Variants in PCDHA2 observed in about 807,000 individuals in gnomAD.
PCDHA2 encodes the protein protocadherin alpha-2.
Under a neutral mutation model 66.0 loss-of-function variants are expected in PCDHA2, and 58 were observed. The observed-to-expected ratio is 0.88, with a 90% confidence interval of 0.71 to 1.09. PCDHA2 has a LOEUF of 1.09. Ranked by LOEUF, PCDHA2 falls within the 50% of genes least tolerant of loss-of-function variation. PCDHA2 has a pLI of 0.00. For synonymous variants in PCDHA2, 634 were observed against 554.0 expected, an observed-to-expected ratio of 1.14 and a Z score of -2.03; for missense variants, 1,267 against 1,242.3, an observed-to-expected ratio of 1.02 and a Z score of -0.30.
Position 140,923,530 on chromosome 5 carries a change from A to G in PCDHA2, c.2389-55419A>G, listed in dbSNP as rs115719485. On this transcript the variant is annotated intron_variant, in intron 1 of 3. Coordinates refer to ENST00000526136, the MANE Select transcript of PCDHA2 (RefSeq NM_018905.3). ...GATGATGAAGTGAGATTCTGTCCCAAAAAAAGGACAAAATGAAATATCAGC... is the reference window on the plus strand; with the variant it reads ...GATGATGAAGTGAGATTCTGTCCCAGAAAAAGGACAAAATGAAATATCAGC... Among the ~76,000 whole-genome samples, 836 of 152,264 alleles carry G rather than the reference A, an allele frequency of 5.5e-3. 5 individuals carry two copies. The highest frequency in any genetic ancestry group is 0.019 in the African/African-American group (794 of 41,534).
chr5:140,801,644 C>T, intron 1 of PCDHA2: 1 of 1,614,188 alleles, frequency 6.2e-7, no homozygotes, highest in Non-Finnish European at 8.5e-7. Context: ...GACAGCCTGG[C>T]TCTCGGTTTT....
intron 1 of PCDHA2, chr5:140,807,096 GA>G: frequency 7.2e-7 from 1 of 1,390,120 alleles, no homozygotes; most frequent in Non-Finnish European, 9.9e-7. Context: ...CTGAAATATG[GA>G]GGATGCAGCT....
chr5:140,980,036 G>A (rs952735379), intron 2 of PCDHA2, among the ~76,000 whole-genome samples: 9 of 152,294 alleles, frequency 5.9e-5, no homozygotes, highest in Non-Finnish European at 1.0e-4. Flanking sequence ...ATTACATTGG[G>A]TGCTATTTCT....
At position 140,807,071 on chromosome 5, in the gene PCDHA2, T is replaced by C. The variant is rs568320895; in HGVS notation, c.2388+9719T>C. The C allele has an allele frequency of 9.3e-6, 11 of 1,185,968 alleles. No homozygotes were observed. The African/African-American group carries it at 1.7e-4, about 18-fold the overall frequency. The allele number at this position is 1,185,968 out of a possible 1,614,324, so 73.5% of individuals were successfully genotyped here. Reference sequence around the variant, plus strand: ...TCTATTCTTACTGGAAGGAACCATATACACTCTTTGGAGTCTGAAATATGG... The same window carrying C: ...TCTATTCTTACTGGAAGGAACCATACACACTCTTTGGAGTCTGAAATATGG... On this transcript the variant is annotated intron_variant, in intron 1 of 3. Coordinates refer to ENST00000526136, the MANE Select transcript of PCDHA2 (RefSeq NM_018905.3).
chr5:140,955,359 C>A (rs1390938554), intron 1 of PCDHA2, among the ~76,000 whole-genome samples: 1 of 151,992 alleles, frequency 6.6e-6, no homozygotes, highest in African/African-American at 2.4e-5. Context: ...TGAGAGGGAC[C>A]CAGTGGGAGG....
At chr5:140,829,650 T>C (rs2150172095) in intron 1 of PCDHA2, 3 of 1,612,396 alleles carry the variant, frequency 1.9e-6, no homozygotes, top group Non-Finnish European at 1.7e-6. Context: ...GTGTACGCGC[T>C]GCAGCCGCTG....
chr5:140,927,042 G>T (rs548394870), intron 1 of PCDHA2: 7 of 1,612,270 alleles, frequency 4.3e-6, no homozygotes, highest in Non-Finnish European at 4.2e-6. Context: ...CGGCCGCTAT[G>T]TCCTCGCGGA....
chr5:140,835,540 C>T (rs2150237787), intron 1 of PCDHA2: 1 of 1,613,980 alleles, frequency 6.2e-7, no homozygotes. Context: ...GGACAGGTTA[C>T]CTGCTCCCTG....
intron 1 of PCDHA2, chr5:140,853,828 C>T: frequency 2.0e-6 from 2 of 986,484 alleles, no homozygotes; most frequent in South Asian, 9.5e-5. Flanking sequence ...TCTCATACAA[C>T]CGAAATTTTA....
At chr5:140,859,799 T>C (rs2046021191) in intron 1 of PCDHA2, 1 of 152,502 alleles carries the variant, frequency 6.6e-6, no homozygotes. Flanking sequence ...AAATTATAGA[T>C]GCTAAGTTAA....
Position 141,010,435 on chromosome 5 carries a change from A to C in PCDHA2, c.*498A>C. 1 of 1,039,068 alleles carries C rather than the reference A, an allele frequency of 9.6e-7. No individual in the cohort carries two copies. The highest frequency in any genetic ancestry group is 1.4e-6 in the Non-Finnish European group (1 of 739,892). The allele number at this position is 1,039,068 out of a possible 1,614,324, so 64.4% of individuals were successfully genotyped here. A position where few individuals can be genotyped will look rare whatever the true frequency, so the allele number is the denominator to read the frequency against. On this transcript the variant is annotated 3_prime_UTR_variant, in exon 4 of 4. Transcript: ENST00000526136. ...TGGTACAAGGAAGGCAAGAAAACAA[A>C]GACAAATAAACAGCGGAAGTTATCA...
chr5:140,834,475 T>G, intron 1 of PCDHA2: 1 of 1,614,156 alleles, frequency 6.2e-7, no homozygotes, highest in Non-Finnish European at 8.5e-7. Context: ...AGAGGCCAGC[T>G]CCACTACTCG....
At chr5:140,800,761 A>G (rs1762598005) in intron 1 of PCDHA2, among the ~76,000 whole-genome samples, 2 of 152,378 alleles carry the variant, frequency 1.3e-5, no homozygotes, top group South Asian at 4.1e-4. Context: ...CACATGGGAA[A>G]TATTTCCAAT....
chr5:140,913,035 T>C (rs1277110200), intron 1 of PCDHA2, among the ~76,000 whole-genome samples: 2 of 152,242 alleles, frequency 1.3e-5, no homozygotes, highest in African/African-American at 4.8e-5. Context: ...TCATCAGATA[T>C]ATTGGCCTGG....
At chr5:140,969,162 C>T in intron 1 of PCDHA2, 1 of 1,614,110 alleles carries the variant, frequency 6.2e-7, no homozygotes, top group Non-Finnish European at 8.5e-7. Flanking sequence ...TGTCTGACAG[C>T]AGGCTCAGGG....
At chr5:140,809,830 GT>G in intron 1 of PCDHA2, 1 of 354,942 alleles carries the variant, frequency 2.8e-6, no homozygotes. Context: ...CACCCTCTTT[GT>G]TTTTGGTAAT....
intron 1 of PCDHA2, among the ~76,000 whole-genome samples, chr5:140,964,392 C>A (rs2095829219): frequency 6.6e-6 from 1 of 152,072 alleles, no homozygotes; most frequent in African/African-American, 2.4e-5. Flanking sequence ...GGTTTTTCTC[C>A]CAAGACATGA....
chr5:140,895,920 C>T (rs1347672044), intron 1 of PCDHA2, among the ~76,000 whole-genome samples: 1 of 152,202 alleles, frequency 6.6e-6, no homozygotes, highest in African/African-American at 2.4e-5. Flanking sequence ...CAACAATTAT[C>T]CTGCCTCAGC....
At chr5:140,862,820 G>A (rs782106101) in intron 1 of PCDHA2, 2 of 574,854 alleles carry the variant, frequency 3.5e-6, no homozygotes, top group Non-Finnish European at 6.7e-6. Context: ...TTCTAGGTGA[G>A]AGCGCGCGAC....
Sources: allele counts gnomAD v4.1 joint callset (sites outside exome capture counted in the v4.1 genomes callset), GRCh38; gene constraint gnomAD v4.1.1; transcripts MANE v1.5; gene names NCBI Gene and HGNC (gene_info 2026-07-23, HGNC 2026-07-21).